ANKS1B: variants seen among roughly 807,000 people sequenced by gnomAD.
The protein encoded by ANKS1B is ankyrin repeat and sterile alpha motif domain containing 1B.
ANKS1B carries 36 observed loss-of-function variants against 148.3 expected under a neutral mutation model. The observed-to-expected ratio is 0.24, with a 90% CI of 0.19 to 0.32. The LOEUF is 0.32. Ranked by LOEUF, ANKS1B falls within the 10% of genes least tolerant of loss-of-function variation. ANKS1B has a pLI of 1.00. For synonymous variants in ANKS1B, 542 were observed against 560.8 expected, an observed-to-expected ratio of 0.97 and a Z score of 0.47; for missense variants, 1,157 against 1,542.6, an observed-to-expected ratio of 0.75 and a Z score of 4.19.
intron 8 of ANKS1B, among the ~76,000 whole-genome samples, chr12:99,733,556 TC>T (rs1271710660): frequency 6.6e-6 from 1 of 152,206 alleles, no homozygotes; most frequent in African/African-American, 2.4e-5. Context: ...CATTTAATTA[TC>T]ACAATGACTC....
In ANKS1B at chr12:99,426,796, G is replaced by T. The variant is rs971273892; in HGVS notation, c.1575+16877C>A. Reference sequence around the variant, plus strand: ...TAACTATCTACATTATATCTAGAGGGTATCTAAAACTTATACAAACCAAAC... The same window carrying T: ...TAACTATCTACATTATATCTAGAGGTTATCTAAAACTTATACAAACCAAAC... On this transcript the variant is annotated intron_variant, in intron 11 of 26. Coordinates refer to ENST00000683438, the MANE Select transcript of ANKS1B (RefSeq NM_001352186.2). Among the ~76,000 whole-genome samples, 7 of 152,178 alleles carry T rather than the reference G, an allele frequency of 4.6e-5. No individual in the cohort carries two copies. The East Asian group carries it at 1.2e-3, about 25-fold the overall frequency.
intron 14 of ANKS1B, among the ~76,000 whole-genome samples, chr12:99,237,196 C>T (rs1278974190): frequency 6.6e-6 from 1 of 152,154 alleles, no homozygotes; most frequent in African/African-American, 2.4e-5. Context: ...GAATCACCAG[C>T]CTTTTTTGTT....
chr12:99,041,578 C>A (rs2099958997), intron 17 of ANKS1B, among the ~76,000 whole-genome samples: 1 of 152,008 alleles, frequency 6.6e-6, no homozygotes, highest in Admixed American at 6.6e-5. Context: ...ATTTTTTTCC[C>A]CCCGGTGAGC....
intron 17 of ANKS1B, among the ~76,000 whole-genome samples, chr12:99,035,312 A>T (rs1244754491): frequency 6.6e-6 from 1 of 152,166 alleles, no homozygotes; most frequent in Non-Finnish European, 1.5e-5. Flanking sequence ...GTTTGACTGT[A>T]GGTCGTAATA....
chr12:99,627,603 A>C (rs1390922088), intron 9 of ANKS1B, among the ~76,000 whole-genome samples: 1 of 152,200 alleles, frequency 6.6e-6, no homozygotes, highest in Non-Finnish European at 1.5e-5. Context: ...ATATCTCCCT[A>C]CAATGACACC....
At chr12:99,611,677 T>G (rs1420198513) in intron 9 of ANKS1B, among the ~76,000 whole-genome samples, 1 of 152,074 alleles carries the variant, frequency 6.6e-6, no homozygotes, top group African/African-American at 2.4e-5. Flanking sequence ...TGAAATTATT[T>G]TTAATGCCCA....
At chr12:99,963,648 A>G (rs1326914605) in intron 1 of ANKS1B, among the ~76,000 whole-genome samples, 2 of 152,196 alleles carry the variant, frequency 1.3e-5, no homozygotes, top group African/African-American at 4.8e-5. Flanking sequence ...AGCTTCCTGG[A>G]CGTTTCTTTG....
At chr12:99,877,971 A>C (rs575788629) in intron 1 of ANKS1B, among the ~76,000 whole-genome samples, 6 of 152,168 alleles carry the variant, frequency 3.9e-5, no homozygotes, top group Non-Finnish European at 7.4e-5. Flanking sequence ...GAGGCTGGAC[A>C]GTCATTTGAG....
At chr12:99,520,986 G>A (rs1384032334) in intron 9 of ANKS1B, among the ~76,000 whole-genome samples, 1 of 151,996 alleles carries the variant, frequency 6.6e-6, no homozygotes, top group Non-Finnish European at 1.5e-5. Context: ...GTAGAAATGG[G>A]GTTTCTCCAT....
intron 8 of ANKS1B, among the ~76,000 whole-genome samples, chr12:99,698,298 T>G (rs1008107882): frequency 6.6e-6 from 1 of 152,144 alleles, no homozygotes; most frequent in African/African-American, 2.4e-5. Context: ...AGTGGAAATA[T>G]TCTAAGGACC....
At chr12:99,288,996 G>A (rs1417177282) in intron 12 of ANKS1B, among the ~76,000 whole-genome samples, 4 of 151,788 alleles carry the variant, frequency 2.6e-5, no homozygotes, top group South Asian at 2.1e-4. Context: ...CCATTGATCC[G>A]CTACAAGAAA....
intron 8 of ANKS1B, among the ~76,000 whole-genome samples, chr12:99,671,143 ATC>A (rs2098536365): frequency 6.6e-6 from 1 of 152,134 alleles, no homozygotes; most frequent in South Asian, 2.1e-4. Context: ...AGTATATCTT[ATC>A]TCTGTAATTG....
At chr12:99,232,916 G>A (rs142343201) in intron 14 of ANKS1B, among the ~76,000 whole-genome samples, 1 of 151,988 alleles carries the variant, frequency 6.6e-6, no homozygotes, top group African/African-American at 2.4e-5. Flanking sequence ...CTATAAAGTT[G>A]AGAATTCCCA....
In ANKS1B at chr12:99,588,762, A is replaced by G. The variant is rs17029609; in HGVS notation, c.1272+66305T>C. On this transcript the variant is annotated intron_variant, in intron 9 of 26. Coordinates refer to ENST00000683438, the MANE Select transcript of ANKS1B (RefSeq NM_001352186.2). ...TAAATGGTTAGCTGGAGATAGGGAC[A>G]TGGTGTATGGCCTGCTCCAGGCTTT... Among the ~76,000 whole-genome samples the G allele has an allele frequency of 9.4e-3, 1,427 of 152,280 alleles. 22 individuals carry two copies. Among genetic ancestry groups the G allele is most frequent in the African/African-American group, 0.033 (1,355 of 41,546 alleles).
intron 2 of ANKS1B, among the ~76,000 whole-genome samples, chr12:99,814,589 T>G (rs1249669040): frequency 2.0e-5 from 3 of 151,768 alleles, no homozygotes; most frequent in Non-Finnish European, 4.4e-5. Flanking sequence ...AGTGAGGTAA[T>G]GAGAATTCAA....
At chr12:98,979,361 G>A (rs1032658400) in intron 17 of ANKS1B, among the ~76,000 whole-genome samples, 8 of 151,178 alleles carry the variant, frequency 5.3e-5, no homozygotes, top group Non-Finnish European at 7.4e-5. Flanking sequence ...CCCGCCTCCC[G>A]GGTTCAAGCA....
intron 24 of ANKS1B, among the ~76,000 whole-genome samples, chr12:98,777,061 T>G (rs2098686059): frequency 6.6e-6 from 1 of 152,116 alleles, no homozygotes; most frequent in African/African-American, 2.4e-5. Context: ...GGCTTGGTGG[T>G]GCATACCTGT....
At chr12:99,699,619 C>G (rs988030767) in intron 8 of ANKS1B, among the ~76,000 whole-genome samples, 3 of 152,182 alleles carry the variant, frequency 2.0e-5, no homozygotes, top group African/African-American at 7.2e-5. Context: ...CCCGTAACTT[C>G]TGGTCAAATC....
chr12:99,226,193 C>G (rs1407663414), intron 14 of ANKS1B, among the ~76,000 whole-genome samples: 1 of 152,126 alleles, frequency 6.6e-6, no homozygotes, highest in Non-Finnish European at 1.5e-5. Flanking sequence ...TCTATTTAAT[C>G]TCTTGAGTAG....
Sources: gnomAD v4.1 joint callset for allele counts (sites outside exome capture counted in the v4.1 genomes callset) on GRCh38, gnomAD v4.1.1 for gene constraint, MANE v1.5 for transcripts, NCBI Gene and HGNC (gene_info 2026-07-23, HGNC 2026-07-21) for gene names.